Variants in FSIP2 observed in about 807,000 individuals in gnomAD.
The protein encoded by FSIP2 is fibrous sheath interacting protein 2.
A neutral mutation model predicts 510.5 loss-of-function variants in FSIP2; 367 were observed. That is an observed-to-expected ratio of 0.72 (90% CI 0.66 to 0.78). The LOEUF (loss-of-function observed/expected upper bound fraction) is 0.78. Ranked by LOEUF, FSIP2 falls within the 30% of genes least tolerant of loss-of-function variation. FSIP2 has a pLI of 0.00. For synonymous variants in FSIP2, 2,601 were observed against 2,732.2 expected, an observed-to-expected ratio of 0.95 and a Z score of 1.50; for missense variants, 7,594 against 7,901.7, an observed-to-expected ratio of 0.96 and a Z score of 1.48.
At chr2:185,754,957 T>C (rs1463506822) in intron 8 of FSIP2, among the ~76,000 whole-genome samples, 2 of 151,592 alleles carry the variant, frequency 1.3e-5, no homozygotes, top group Admixed American at 6.6e-5. Flanking sequence ...TATTTTGTTG[T>C]TTAGTTAAAT....
intron 19 of FSIP2, among the ~76,000 whole-genome samples, chr2:185,818,388 T>C (rs1481491716): frequency 6.6e-6 from 1 of 151,530 alleles, no homozygotes. Flanking sequence ...AAGAAGAAAT[T>C]GAGAAAGAAA....
chr2:185,805,976 A>G lies in FSIP2; in HGVS notation c.16670A>G (p.Glu5557Gly), dbSNP rs1319880706. 1.3e-6 allele frequency: 2 copies of G among 1,562,076 alleles called. No individual in the cohort carries two copies. The highest frequency in any genetic ancestry group is 1.7e-6 in the Non-Finnish European group (2 of 1,158,480). Residue 5557 changes from glutamate (E) to glycine (G), a missense_variant, in exon 17 of 23, where the codon GAA becomes GGA. Physicochemically the swap from Glu to Gly is moderately conservative, Grantham distance 98. Coordinates refer to ENST00000424728, the MANE Select transcript of FSIP2 (RefSeq NM_173651.4). The part of the protein sequence containing the change: ...SKDTQEPNLS[E>G]TFNNNEIEKK... Reference sequence around the variant, plus strand: ...GATACTCAGGAGCCAAATTTGAGTGAAACATTTAATAATAATGAAATTGAG... The same window carrying G: ...GATACTCAGGAGCCAAATTTGAGTGGAACATTTAATAATAATGAAATTGAG...
At chr2:185,766,866 C>G (rs1248696007) in intron 13 of FSIP2, among the ~76,000 whole-genome samples, 6 of 124,532 alleles carry the variant, frequency 4.8e-5, no homozygotes, top group Admixed American at 8.1e-5. Flanking sequence ...GACACACGCA[C>G]ACGTATGTTT....
Position 185,802,981 on chromosome 2 carries a change from G to A in FSIP2, c.13675G>A (p.Glu4559Lys), listed in dbSNP as rs1036574104. The change falls in exon 17 of 23, where the codon GAA becomes AAA. Residue 4559 changes from glutamate to lysine, a missense_variant. Physicochemically the swap from Glu to Lys is moderately conservative, Grantham distance 56. Transcript: ENST00000424728. Reference protein sequence around the residue: ...ANVVQTSGSQESAVQNITSSN... With the variant: ...ANVVQTSGSQKSAVQNITSSN... ...TGTTGTGCAAACCTCTGGTTCTCAAGAATCAGCTGTGCAAAATATCACAAG... is the reference window on the plus strand; with the variant it reads ...TGTTGTGCAAACCTCTGGTTCTCAAAAATCAGCTGTGCAAAATATCACAAG... 1 of 1,531,008 alleles carries A rather than the reference G, an allele frequency of 6.5e-7. No homozygotes were observed. The highest frequency in any genetic ancestry group is 8.7e-7 in the Non-Finnish European group (1 of 1,144,284). 94.8% of individuals were successfully genotyped at this position (1,531,008 alleles called of 1,614,324 possible).
chr2:185,769,853 A>G (rs1346037578), intron 13 of FSIP2, among the ~76,000 whole-genome samples: 1 of 152,132 alleles, frequency 6.6e-6, no homozygotes. Flanking sequence ...TTCCAGAACC[A>G]TTTATTGAAT....
At chr2:185,750,431 A>G (rs1214443434) in intron 7 of FSIP2, among the ~76,000 whole-genome samples, 1 of 151,492 alleles carries the variant, frequency 6.6e-6, no homozygotes. Context: ...CTTTGTTATC[A>G]TTTGAGTATT....
rs757907104 is a variant in FSIP2, at chr2:185,795,499, G to A, written c.8363G>A (p.Cys2788Tyr). ...CAAGAATTATATGTTACCAATAACT[G>A]CAATTTGGCTTACCCGATGAAATCC... ...VLQELYVTNN[C>Y]NLAYPMKSSH... The change falls in exon 16 of 23, where the codon TGC (cysteine) becomes TAC (tyrosine). Residue 2788 changes from cysteine (C) to tyrosine (Y), a missense_variant. Cys to Tyr is a radical substitution (Grantham distance 194). Coordinates refer to ENST00000424728, the MANE Select transcript of FSIP2 (RefSeq NM_173651.4). 1.3e-6 allele frequency: 2 copies of A among 1,534,726 alleles called. No homozygotes were observed. The highest frequency in any genetic ancestry group is 2.7e-5 in the African/African-American group (2 of 73,010).
In FSIP2 at chr2:185,788,746, G is replaced by C. The variant is rs1431392704; in HGVS notation, c.1610G>C (p.Arg537Thr). 6.5e-7 allele frequency: 1 copy of C among 1,534,216 alleles called. No individual in the cohort carries two copies. Among genetic ancestry groups the C allele is most frequent in the Admixed American group, 2.0e-5 (1 of 50,876 alleles). The change falls in exon 16 of 23, where the codon AGA (arginine) becomes ACA (threonine). Residue 537 changes from arginine (R) to threonine (T), a missense_variant. Transcript: ENST00000424728. ...CCAGCCATCACAAAGTATGAAAAAA[G>C]ATTGCAAAATAATACATACCCAGTA... ...LYPAITKYEKRLQNNTYPVSD... is the reference protein window; with the variant it reads ...LYPAITKYEKTLQNNTYPVSD...
At position 185,756,217 on chromosome 2, in the gene FSIP2, T is replaced by A; in HGVS notation, c.1017T>A (p.Thr339=). Reference sequence around the variant, plus strand: ...CTTCTCCAAAGAATAAAAAGAAGACTTCTGAAGATATAATGTTAGTTTATC... The same window carrying A: ...CTTCTCCAAAGAATAAAAAGAAGACATCTGAAGATATAATGTTAGTTTATC... ...THASPKNKKK[T]SEDIMLVYPA... Residue 339 remains threonine (T), a synonymous_variant, in exon 9 of 23, where the codon ACT becomes ACA. Transcript: ENST00000424728. 2 of 1,319,290 alleles carry A rather than the reference T, an allele frequency of 1.5e-6. No individual in the cohort carries two copies. The highest frequency in any genetic ancestry group is 2.1e-6 in the Non-Finnish European group (2 of 968,932). The allele number at this position is 1,319,290 out of a possible 1,614,324, so 81.7% of individuals were successfully genotyped here.
Position 185,802,953 on chromosome 2 carries a change from A to C in FSIP2, c.13647A>C (p.Ala4549=), listed in dbSNP as rs1255909271. Residue 4549 remains alanine (A), a synonymous_variant, in exon 17 of 23, where the codon GCA becomes GCC. Transcript: ENST00000424728. ...AGCACCTTGTTGATTCAGTATTTGC[A>C]AATGTTGTGCAAACCTCTGGTTCTC... ...DIQHLVDSVF[A]NVVQTSGSQE... 1.3e-6 allele frequency: 2 copies of C among 1,526,164 alleles called. No homozygotes were observed. Among genetic ancestry groups the C allele is most frequent in the African/African-American group, 2.8e-5 (2 of 72,390 alleles). The allele number at this position is 1,526,164 out of a possible 1,614,324, so 94.5% of individuals were successfully genotyped here. A position where few individuals can be genotyped will look rare whatever the true frequency, so the allele number is the denominator to read the frequency against.
At chr2:185,785,273 A>G (rs941269113) in intron 14 of FSIP2, among the ~76,000 whole-genome samples, 1 of 152,106 alleles carries the variant, frequency 6.6e-6, no homozygotes, top group African/African-American at 2.4e-5. Flanking sequence ...TCATGCTCCT[A>G]GTTGAATACT....
chr2:185,756,067 G>A (rs1323183857), intron 8 of FSIP2, 125 bp from the exon 9 acceptor site: 15 of 357,510 alleles, frequency 4.2e-5, no homozygotes, highest in Non-Finnish European at 6.6e-5. Context: ...AATTTTTCTC[G>A]CAATCCCACA....
At chr2:185,739,493 T>C in intron 2 of FSIP2, 22 bp downstream of exon 2, 1 of 1,480,332 alleles carries the variant, frequency 6.8e-7, no homozygotes, top group Non-Finnish European at 9.0e-7. Context: ...TTTATCGTCT[T>C]TCTTTCCTTT....
At position 185,772,775 on chromosome 2, in the gene FSIP2, G is replaced by A. The variant is rs115744969; in HGVS notation, c.1411+8210G>A. The stretch of plus-strand genomic sequence containing the variant: ...GTTTTCATAATGGTGAATATCACCT[G>A]AGTTTAGAATTTTTTTTAGCTTTTC... On this transcript the variant is annotated intron_variant, in intron 13 of 22. Transcript: ENST00000424728. Among the ~76,000 whole-genome samples, 1,003 of 151,988 alleles carry A rather than the reference G, an allele frequency of 6.6e-3. 13 individuals are homozygous for A. Among genetic ancestry groups the A allele is most frequent in the African/African-American group, 0.022 (918 of 41,478 alleles).
intron 2 of FSIP2, among the ~76,000 whole-genome samples, chr2:185,741,657 C>G (rs968922572): frequency 6.6e-6 from 1 of 152,172 alleles, no homozygotes; most frequent in Admixed American, 6.5e-5. Flanking sequence ...CTCCCCTTTA[C>G]GAGTTCTTTC....
chr2:185,818,821 G>A (rs896418278), intron 19 of FSIP2, among the ~76,000 whole-genome samples: 1 of 151,812 alleles, frequency 6.6e-6, no homozygotes, highest in Non-Finnish European at 1.5e-5. Context: ...AAATGCTAAA[G>A]AAAGTTCTTC....
chr2:185,776,867 T>C (rs1692736216), intron 13 of FSIP2, among the ~76,000 whole-genome samples: 1 of 152,028 alleles, frequency 6.6e-6, no homozygotes, highest in Non-Finnish European at 1.5e-5. Flanking sequence ...CCCGAGTAGT[T>C]GGGATTACAC....
intron 13 of FSIP2, among the ~76,000 whole-genome samples, chr2:185,773,387 T>C (rs975444649): frequency 1.3e-5 from 2 of 152,228 alleles, no homozygotes; most frequent in African/African-American, 2.4e-5. Context: ...AGGTTTTCTT[T>C]GTAAGTGACT....
At position 185,802,442 on chromosome 2, in the gene FSIP2, G is replaced by A; in HGVS notation, c.13136G>A (p.Arg4379Lys). Residue 4379 changes from arginine (R) to lysine (K), a missense_variant, in exon 17 of 23, where the codon AGA becomes AAA. Arg to Lys is a conservative substitution (Grantham distance 26). Coordinates refer to ENST00000424728, the MANE Select transcript of FSIP2 (RefSeq NM_173651.4). The part of the protein sequence containing the change: ...IVDELATSVY[R>K]NALKQHGLDL... Reference sequence around the variant, plus strand: ...GATGAACTTGCCACCTCAGTTTATAGAAATGCTTTAAAGCAGCATGGGCTA... The same window carrying A: ...GATGAACTTGCCACCTCAGTTTATAAAAATGCTTTAAAGCAGCATGGGCTA... 3.9e-6 allele frequency: 6 copies of A among 1,533,934 alleles called. No individual in the cohort carries two copies. The highest frequency in any genetic ancestry group is 5.2e-6 in the Non-Finnish European group (6 of 1,145,496).
Sources: gnomAD v4.1 joint callset for allele counts (sites outside exome capture counted in the v4.1 genomes callset) on GRCh38, gnomAD v4.1.1 for gene constraint, MANE v1.5 for transcripts, NCBI Gene and HGNC (gene_info 2026-07-23, HGNC 2026-07-21) for gene names.